CTBP2: variants seen among roughly 807,000 people sequenced by gnomAD.
The protein encoded by CTBP2 is C-terminal-binding protein 2.
CTBP2 carries 30 observed loss-of-function variants against 80.3 expected under a neutral mutation model. That is an observed-to-expected ratio of 0.37 (90% CI 0.28 to 0.51). CTBP2 has a LOEUF of 0.51. Ranked by LOEUF, CTBP2 falls within the 20% of genes least tolerant of loss-of-function variation. CTBP2 has a pLI of 0.93. For missense variants in CTBP2, 1,212 were observed against 1,375.3 expected (o/e 0.88, Z 1.88); for synonymous variants, 594 against 587.4 (o/e 1.01, Z -0.16).
chr10:125,030,810 T>A (rs200144839), upstream of CTBP2, among the ~76,000 whole-genome samples: 25 of 152,302 alleles, frequency 1.6e-4, no homozygotes, highest in East Asian at 4.5e-3. Flanking sequence ...AGGAGGCAAC[T>A]TAAGTTCCCA....
At chr10:125,129,204 A>G (rs1855752790) in intron 1 of CTBP2, among the ~76,000 whole-genome samples, 1 of 152,178 alleles carries the variant, frequency 6.6e-6, no homozygotes, top group South Asian at 2.1e-4. Context: ...AAACCAAAAC[A>G]GTGGTGGCCT....
At chr10:125,082,664 T>G (rs920826271) in intron 2 of CTBP2, among the ~76,000 whole-genome samples, 2 of 150,570 alleles carry the variant, frequency 1.3e-5, no homozygotes, top group Non-Finnish European at 2.9e-5. Flanking sequence ...CTCAGCTCAC[T>G]GCAACCTCCG....
At chr10:125,144,811 T>A (rs1858454232) in intron 1 of CTBP2, among the ~76,000 whole-genome samples, 3 of 152,360 alleles carry the variant, frequency 2.0e-5, no homozygotes, top group African/African-American at 7.2e-5. Flanking sequence ...CACTGAGCAG[T>A]TCAGATTTTA....
chr10:125,040,599 TAC>T (rs59512017), intron 2 of CTBP2, among the ~76,000 whole-genome samples: 55,344 of 145,856 alleles, frequency 0.38, 11,188 homozygotes, highest in East Asian at 0.58. Context: ...CACAACCACA[TAC>T]ACACACACAC....
At chr10:125,076,819 C>A (rs1346494911) in intron 2 of CTBP2, among the ~76,000 whole-genome samples, 1 of 152,176 alleles carries the variant, frequency 6.6e-6, no homozygotes, top group Non-Finnish European at 1.5e-5. Flanking sequence ...TACGTATTTC[C>A]CTATTTCATC....
At chr10:125,007,607 C>T (rs1955409667) in intron 1 of CTBP2, among the ~76,000 whole-genome samples, 2 of 152,190 alleles carry the variant, frequency 1.3e-5, no homozygotes, top group Admixed American at 6.5e-5. Context: ...CGGATACAGG[C>T]AGACAGGCCT....
At chr10:125,054,050 T>G (rs529187002) in intron 2 of CTBP2, among the ~76,000 whole-genome samples, 1 of 152,158 alleles carries the variant, frequency 6.6e-6, no homozygotes, top group East Asian at 1.9e-4. Context: ...GGGCCATGAA[T>G]TGAGGGCCAT....
At position 124,992,231 on chromosome 10, in the gene CTBP2, T is replaced by TGGTGG. The variant is rs1292480196; in HGVS notation, c.2777+459_2777+463dup. On this transcript the variant is annotated intron_variant, in intron 8 of 8. Transcript: ENST00000309035. ...GCCCTTTTTTTTTTTTTTTTTTTGG[T>TGGTGG]GGTGGGGTGGGGTCGGGGGGTAGCA... is the stretch of plus-strand genomic sequence containing the variant. Among the ~76,000 whole-genome samples, 129 of 101,572 alleles carry TGGTGG rather than the reference T, an allele frequency of 1.3e-3. 4 individuals are homozygous for TGGTGG. In the South Asian group the frequency reaches 0.042, roughly 33 times the overall value. 66.6% of individuals were successfully genotyped at this position (101,572 alleles called of 152,430 possible).
At chr10:125,134,555 G>A (rs1318941089) in intron 1 of CTBP2, among the ~76,000 whole-genome samples, 1 of 152,178 alleles carries the variant, frequency 6.6e-6, no homozygotes, top group Non-Finnish European at 1.5e-5. Flanking sequence ...ACTCCTCTGA[G>A]CAAAGAGCAC....
chr10:125,134,913 C>G (rs1395844523), intron 1 of CTBP2, among the ~76,000 whole-genome samples: 1 of 151,274 alleles, frequency 6.6e-6, no homozygotes, highest in Non-Finnish European at 1.5e-5. Flanking sequence ...CCGGTATACT[C>G]AACCCTCAAT....
chr10:125,098,657 G>GGGGAGAGA (rs1849951176), intron 2 of CTBP2, among the ~76,000 whole-genome samples: 1 of 44,968 alleles, frequency 2.2e-5, no homozygotes, highest in African/African-American at 9.7e-5. Flanking sequence ...TGGGGGAGGG[G>GGGGAGAGA]GAGAGAGAGA....
intron 1 of CTBP2, among the ~76,000 whole-genome samples, chr10:125,134,583 A>G (rs1258530479): frequency 6.6e-6 from 1 of 152,166 alleles, no homozygotes. Flanking sequence ...GGCAGGACCA[A>G]TCGAAGCCCA....
intron 2 of CTBP2, among the ~76,000 whole-genome samples, chr10:125,040,094 G>A (rs968379208): frequency 3.9e-5 from 6 of 152,090 alleles, no homozygotes; most frequent in Non-Finnish European, 7.4e-5. Flanking sequence ...ATTAACAGCT[G>A]TCCCCAATAT....
chr10:125,037,415 G>T (rs12258217), intron 3 of CTBP2, among the ~76,000 whole-genome samples: 1 of 152,198 alleles, frequency 6.6e-6, no homozygotes, highest in Non-Finnish European at 1.5e-5. Flanking sequence ...AGTCACGAGC[G>T]TGTTCCAGAA....
At position 125,091,245 on chromosome 10, in the gene CTBP2, G is replaced by A. The variant is rs1308215591; in HGVS notation, c.-102+19745C>T. 2.6e-5 allele frequency among the ~76,000 whole-genome samples: 4 copies of A among 152,336 alleles called. No individual in the cohort carries two copies. The South Asian group carries it at 8.3e-4, about 32-fold the overall frequency. On this transcript the variant is annotated intron_variant, in intron 2 of 10. Transcript: ENST00000337195. ...CTATGCACAATCTGCCATATCGAAT[G>A]GGAATGCAGGAGTAACAGGACTCCT...
intron 1 of CTBP2, among the ~76,000 whole-genome samples, chr10:125,127,094 C>T (rs1476370953): frequency 5.9e-5 from 9 of 152,182 alleles, no homozygotes; most frequent in East Asian, 1.9e-4. Flanking sequence ...GAAGTAGGCA[C>T]GGACGAAGGA....
upstream of CTBP2, among the ~76,000 whole-genome samples, chr10:125,161,984 C>T (rs1352032513): frequency 5.3e-5 from 8 of 152,194 alleles, no homozygotes; most frequent in Non-Finnish European, 1.2e-4. Context: ...GCCCGTGACC[C>T]GCGACGTCCG....
chr10:125,140,599 G>A (rs1857635194), intron 1 of CTBP2, among the ~76,000 whole-genome samples: 4 of 152,188 alleles, frequency 2.6e-5, no homozygotes. Context: ...AAGGTGGGTG[G>A]ATCACCTGAG....
intron 2 of CTBP2, among the ~76,000 whole-genome samples, chr10:125,077,049 C>T (rs990333000): frequency 2.0e-5 from 3 of 152,176 alleles, no homozygotes; most frequent in Non-Finnish European, 4.4e-5. Flanking sequence ...TGTCCAGATG[C>T]GCCACGCCTC....
Sources: gnomAD v4.1 joint callset for allele counts (sites outside exome capture counted in the v4.1 genomes callset) on GRCh38, gnomAD v4.1.1 for gene constraint, MANE v1.5 for transcripts, NCBI Gene and HGNC (gene_info 2026-07-23, HGNC 2026-07-21) for gene names.